Variants in PARD3 observed in about 807,000 individuals in gnomAD.
PARD3 encodes partitioning defective 3 homolog.
PARD3 carries 75 observed loss-of-function variants against 155.4 expected under a neutral mutation model. That is an observed-to-expected ratio of 0.48 (90% CI 0.40 to 0.58). PARD3 has a LOEUF of 0.58. PARD3 is among the 20% of genes least tolerant of loss of function. The pLI, the probability that PARD3 is intolerant of heterozygous loss-of-function variation, is 0.00. For synonymous variants in PARD3, 576 were observed against 610.5 expected (o/e 0.94, Z 0.83); for missense variants, 1,642 against 1,721.7 (o/e 0.95, Z 0.82).
intron 2 of PARD3, among the ~76,000 whole-genome samples, chr10:34,520,650 C>T (rs761362686): frequency 2.4e-4 from 36 of 152,254 alleles, no homozygotes; most frequent in Admixed American, 5.9e-4. Flanking sequence ...CTACTCTACT[C>T]ACTAATTATA....
intron 22 of PARD3, among the ~76,000 whole-genome samples, chr10:34,177,653 A>AC (rs1344125476): frequency 6.6e-6 from 1 of 151,808 alleles, no homozygotes; most frequent in East Asian, 1.9e-4. Context: ...AGAACGCAAG[A>AC]CTCGCCTCCC....
At chr10:34,437,076 A>C (rs958894261) in intron 5 of PARD3, among the ~76,000 whole-genome samples, 1 of 94,086 alleles carries the variant, frequency 1.1e-5, no homozygotes, top group East Asian at 3.0e-4. Context: ...AAATATTTTA[A>C]AAATTAAAGA....
chr10:34,370,377 G>A (rs1221267892), intron 12 of PARD3, among the ~76,000 whole-genome samples: 1 of 152,120 alleles, frequency 6.6e-6, no homozygotes, highest in Non-Finnish European at 1.5e-5. Flanking sequence ...TCCCTCTGGT[G>A]ACTGAGGAAT....
chr10:34,294,660 A>G (rs1300242272), intron 20 of PARD3, among the ~76,000 whole-genome samples: 2 of 152,172 alleles, frequency 1.3e-5, no homozygotes, highest in Admixed American at 1.3e-4. Flanking sequence ...CAGATTCTAC[A>G]TTAGGGAGCT....
intron 5 of PARD3, among the ~76,000 whole-genome samples, chr10:34,402,738 G>A (rs1564673336): frequency 6.6e-6 from 1 of 152,144 alleles, no homozygotes; most frequent in Non-Finnish European, 1.5e-5. Context: ...TGTCAGTTTA[G>A]TGAAGTTATA....
intron 22 of PARD3, among the ~76,000 whole-genome samples, chr10:34,160,820 C>T (rs997200608): frequency 6.6e-6 from 1 of 152,182 alleles, no homozygotes; most frequent in South Asian, 2.1e-4. Flanking sequence ...CTTACCGCAA[C>T]CTCATCTGAA....
chr10:34,331,923 C>T (rs3781130), intron 18 of PARD3, among the ~76,000 whole-genome samples: 80,610 of 151,860 alleles, frequency 0.53, 22,151 homozygotes, highest in African/African-American at 0.68. Context: ...TGGCAGCAGG[C>T]AGAAACCCAA....
chr10:34,375,877 T>G (rs1841178212), intron 10 of PARD3, among the ~76,000 whole-genome samples: 1 of 152,144 alleles, frequency 6.6e-6, no homozygotes, highest in African/African-American at 2.4e-5. Context: ...CTCAAGGTAC[T>G]ACTATTAAGG....
intron 2 of PARD3, among the ~76,000 whole-genome samples, chr10:34,609,275 TTAAAA>T (rs1326073806): frequency 1.3e-5 from 2 of 152,154 alleles, no homozygotes; most frequent in Non-Finnish European, 2.9e-5. Context: ...TCACACAACA[TTAAAA>T]TAAGATTCCT....
chr10:34,246,412 C>T (rs889247196), intron 22 of PARD3, among the ~76,000 whole-genome samples: 2 of 152,098 alleles, frequency 1.3e-5, no homozygotes, highest in African/African-American at 4.8e-5. Flanking sequence ...AGAAGGGGTG[C>T]CCCACCATCA....
At chr10:34,805,558 TATATATATAC>T (rs1177446380) in intron 1 of PARD3, among the ~76,000 whole-genome samples, 1 of 148,248 alleles carries the variant, frequency 6.7e-6, no homozygotes, top group African/African-American at 2.5e-5. Context: ...TATATATATA[TATATATATAC>T]ACCGTACAGT....
intron 5 of PARD3, among the ~76,000 whole-genome samples, chr10:34,413,285 C>T (rs1055838231): frequency 1.3e-5 from 2 of 152,062 alleles, no homozygotes; most frequent in African/African-American, 4.8e-5. Flanking sequence ...TAATACCTGA[C>T]TCCAGAGCAT....
chr10:34,169,225 G>A (rs759979016), intron 22 of PARD3, among the ~76,000 whole-genome samples: 21 of 152,186 alleles, frequency 1.4e-4, no homozygotes, highest in Non-Finnish European at 2.6e-4. Context: ...GCAGGAAATA[G>A]AAAGAAGATC....
chr10:34,207,145 T>C (rs1288932887), intron 22 of PARD3, among the ~76,000 whole-genome samples: 1 of 152,150 alleles, frequency 6.6e-6, no homozygotes, highest in Non-Finnish European at 1.5e-5. Flanking sequence ...ACAAGACTTA[T>C]CAAGCCTACA....
At chr10:34,413,540 T>G (rs1845342159) in intron 5 of PARD3, among the ~76,000 whole-genome samples, 1 of 151,962 alleles carries the variant, frequency 6.6e-6, no homozygotes, top group African/African-American at 2.4e-5. Flanking sequence ...AGGCAATTTC[T>G]AAAATAAGTC....
intron 4 of PARD3, among the ~76,000 whole-genome samples, chr10:34,469,035 T>C (rs2078182626): frequency 1.3e-5 from 2 of 152,298 alleles, no homozygotes; most frequent in South Asian, 4.1e-4. Flanking sequence ...AAATGACAGA[T>C]TCAGCAAAAA....
At position 34,131,455 on chromosome 10, in the gene PARD3, T is replaced by C. The variant is rs1285911649; in HGVS notation, c.3540+8A>G. The C allele has an allele frequency of 6.2e-7, 1 of 1,613,790 alleles. No homozygotes were observed. The highest frequency in any genetic ancestry group is 1.1e-5 in the South Asian group (1 of 91,078). ...ACCATTCACCGTGCTGAAGAACCAA[T>C]TACTTACCCAGGGTTGCTCAAAACT... On this transcript the variant is annotated splice_region_variant and intron_variant, in intron 23 of 24. Transcript: ENST00000374788.
At chr10:34,620,718 G>T (rs539975117) in intron 2 of PARD3, among the ~76,000 whole-genome samples, 2 of 152,106 alleles carry the variant, frequency 1.3e-5, no homozygotes, top group Non-Finnish European at 2.9e-5. Context: ...TAATTAAACG[G>T]ATTCAAAAGC....
chr10:34,786,915 G>A (rs897544800), intron 1 of PARD3, among the ~76,000 whole-genome samples: 2 of 152,112 alleles, frequency 1.3e-5, no homozygotes, highest in Admixed American at 1.3e-4. Flanking sequence ...AAAAAAACTG[G>A]TAGATAGACA....
Sources: allele counts gnomAD v4.1 joint callset (sites outside exome capture counted in the v4.1 genomes callset), GRCh38; gene constraint gnomAD v4.1.1; transcripts MANE v1.5; gene names NCBI Gene and HGNC (gene_info 2026-07-23, HGNC 2026-07-21).